Variants in BDKRB2 observed in about 807,000 individuals in gnomAD.
BDKRB2 encodes the protein bradykinin receptor B2.
BDKRB2 carries 6 observed loss-of-function variants against 4.0 expected under a neutral mutation model. The ratio of observed to expected loss-of-function variants is 1.49; its 90% confidence interval spans 0.81 to 2.93. The LOEUF (loss-of-function observed/expected upper bound fraction) is 2.93, where lower values mean the gene tolerates loss of function less well. BDKRB2 is among the 30% of genes most tolerant of loss of function. BDKRB2 has a pLI of 0.00. For synonymous variants in BDKRB2, 225 were observed against 215.3 expected (o/e 1.05, Z -0.40); for missense variants, 478 against 520.1 (o/e 0.92, Z 0.79).
At chr14:96,230,461 C>A (rs1383572379) in intron 1 of BDKRB2, among the ~76,000 whole-genome samples, 2 of 152,210 alleles carry the variant, frequency 1.3e-5, no homozygotes, top group African/African-American at 4.8e-5. Flanking sequence ...ACGGTGCGAT[C>A]TCGGCTCACT....
At chr14:96,235,967 G>A (rs1405138772) in intron 1 of BDKRB2, among the ~76,000 whole-genome samples, 2 of 152,108 alleles carry the variant, frequency 1.3e-5, no homozygotes, top group East Asian at 3.9e-4. Context: ...TCTAGCCATG[G>A]GACTGAGACA....
chr14:96,232,940 G>A lies in BDKRB2; in HGVS notation c.-39-4129G>A, dbSNP rs1015099324. Among the ~76,000 whole-genome samples, 34 of 152,166 alleles carry A rather than the reference G, an allele frequency of 2.2e-4. 1 individual carries two copies. The highest frequency in any genetic ancestry group is 2.1e-3 in the Admixed American group (32 of 15,274). ...GGGGGCCCTGAAACAAAAAACAGAT[G>A]AACAAGAGAAAAGTGAACAAATTAA... On this transcript the variant is annotated intron_variant, in intron 1 of 2. Coordinates refer to ENST00000554311, the MANE Select transcript of BDKRB2 (RefSeq NM_001379692.1).
chr14:96,243,872 C>T lies in BDKRB2; in HGVS notation c.*2368C>T, dbSNP rs1885372377. The T allele has an allele frequency of 1.0e-5, 3 of 294,188 alleles. No individual in the cohort carries two copies. Among genetic ancestry groups the T allele is most frequent in the Admixed American group, 5.1e-5 (1 of 19,504 alleles). The allele number at this position is 294,188 out of a possible 1,614,324, so 18.2% of individuals were successfully genotyped here. The stretch of plus-strand genomic sequence containing the variant: ...AAAAAAAAAAGAGGCTGTGTTTTGT[C>T]ACACAGGGCAGTCATTCAGCACCAG... On this transcript the variant is annotated 3_prime_UTR_variant, in exon 3 of 3. Coordinates refer to ENST00000554311, the MANE Select transcript of BDKRB2 (RefSeq NM_001379692.1).
At chr14:96,218,875 C>T (rs567272285) in intron 1 of BDKRB2, among the ~76,000 whole-genome samples, 8 of 151,870 alleles carry the variant, frequency 5.3e-5, no homozygotes, top group South Asian at 4.2e-4. Flanking sequence ...GCCAAGATCA[C>T]GCCACTGCAC....
intron 1 of BDKRB2, among the ~76,000 whole-genome samples, chr14:96,226,161 C>T (rs1431712662): frequency 1.3e-5 from 2 of 152,176 alleles, no homozygotes; most frequent in Non-Finnish European, 2.9e-5. Context: ...GAATGGCATG[C>T]AGGAAAGTGG....
chr14:96,241,126 G>C lies in BDKRB2; in HGVS notation c.798G>C (p.Arg266Ser). The change falls in exon 3 of 3, where the codon AGG becomes AGC. Residue 266 changes from arginine to serine, a missense_variant. Arg to Ser is a moderately radical substitution (Grantham distance 110). Transcript: ENST00000554311. ...MQKFKEIQTERRATVLVLVVL... is the reference protein window; with the variant it reads ...MQKFKEIQTESRATVLVLVVL... ...AGTTCAAGGAGATCCAGACAGAGAG[G>C]AGGGCCACGGTGCTAGTCCTGGTTG... The C allele has an allele frequency of 6.2e-7, 1 of 1,613,082 alleles. No individual in the cohort carries two copies.
chr14:96,221,142 G>T (rs185953100), intron 1 of BDKRB2, among the ~76,000 whole-genome samples: 1 of 152,210 alleles, frequency 6.6e-6, no homozygotes, highest in African/African-American at 2.4e-5. Context: ...ATAAAATTGG[G>T]ATAGTACCAG....
chr14:96,212,792 G>T (rs547388578), intron 1 of BDKRB2, among the ~76,000 whole-genome samples: 1 of 152,256 alleles, frequency 6.6e-6, no homozygotes, highest in East Asian at 1.9e-4. Context: ...GTTCTTTGAT[G>T]GGTTTTGCTG....
intron 1 of BDKRB2, among the ~76,000 whole-genome samples, chr14:96,207,845 G>A (rs1890225360): frequency 2.6e-5 from 4 of 151,740 alleles, no homozygotes; most frequent in South Asian, 2.1e-4. Flanking sequence ...GGACAATTAC[G>A]GTACCTCAGG....
At chr14:96,214,984 C>G (rs752487316) in intron 1 of BDKRB2, among the ~76,000 whole-genome samples, 7 of 152,194 alleles carry the variant, frequency 4.6e-5, no homozygotes, top group Non-Finnish European at 8.8e-5. Flanking sequence ...CCTTTAAGCA[C>G]AAATTGGCTG....
Position 96,244,025 on chromosome 14 carries a change from C to A in BDKRB2, c.*2521C>A. 1 of 393,642 alleles carries A rather than the reference C, an allele frequency of 2.5e-6. No individual in the cohort carries two copies. The highest frequency in any genetic ancestry group is 4.5e-6 in the Non-Finnish European group (1 of 223,834). 24.4% of individuals were successfully genotyped at this position (393,642 alleles called of 1,614,324 possible). On this transcript the variant is annotated 3_prime_UTR_variant, in exon 3 of 3. Transcript: ENST00000554311. ...AGCGGCCCTATGCATGGTGTAGATG[C>A]CCTGATAAAGAACATCTGTCCTGTG...
intron 1 of BDKRB2, among the ~76,000 whole-genome samples, chr14:96,234,302 C>G (rs932999751): frequency 2.0e-5 from 3 of 152,274 alleles, no homozygotes; most frequent in Admixed American, 6.5e-5. Flanking sequence ...TCCTTCCCCC[C>G]TCGCGATCAG....
intron 1 of BDKRB2, among the ~76,000 whole-genome samples, chr14:96,229,286 A>C (rs1325245167): frequency 6.6e-6 from 1 of 152,174 alleles, no homozygotes; most frequent in African/African-American, 2.4e-5. Context: ...GATATCAGTC[A>C]GAGAAACAGA....
intron 1 of BDKRB2, among the ~76,000 whole-genome samples, chr14:96,211,778 C>T (rs966172644): frequency 2.6e-5 from 4 of 152,264 alleles, no homozygotes; most frequent in South Asian, 4.2e-4. Context: ...TGGGATCCTT[C>T]GGTTCCTTCA....
Position 96,241,112 on chromosome 14 carries a change from A to T in BDKRB2, c.784A>T (p.Ile262Phe), listed in dbSNP as rs774556385. 1.2e-6 allele frequency: 2 copies of T among 1,613,676 alleles called. No individual in the cohort carries two copies. Among genetic ancestry groups the T allele is most frequent in the Non-Finnish European group, 1.7e-6 (2 of 1,179,916 alleles). ...RNNEMQKFKE[I>F]QTERRATVLV... is the part of the protein sequence containing the mutation. ...CAACGAGATGCAGAAGTTCAAGGAG[A>T]TCCAGACAGAGAGGAGGGCCACGGT... Residue 262 changes from isoleucine (I) to phenylalanine (F), a missense_variant, in exon 3 of 3, where the codon ATC becomes TTC. Transcript: ENST00000554311.
chr14:96,211,170 A>G (rs531901592), intron 1 of BDKRB2: 3 of 152,284 alleles, frequency 2.0e-5, no homozygotes, highest in Admixed American at 6.5e-5. Flanking sequence ...CCAAACAGGA[A>G]TCCTCTCGAG....
intron 1 of BDKRB2, among the ~76,000 whole-genome samples, chr14:96,208,419 C>G (rs1319920018): frequency 6.6e-6 from 1 of 152,294 alleles, no homozygotes; most frequent in Non-Finnish European, 1.5e-5. Context: ...AAACAGCTCT[C>G]GGTTCGAATT....
intron 1 of BDKRB2, among the ~76,000 whole-genome samples, chr14:96,208,624 C>G (rs1405394971): frequency 6.6e-6 from 1 of 152,160 alleles, no homozygotes; most frequent in African/African-American, 2.4e-5. Flanking sequence ...GAGTGAGGGC[C>G]TGGGGCGGTC....
intron 2 of BDKRB2, chr14:96,237,842 G>A (rs1595264382): frequency 7.8e-7 from 1 of 1,289,616 alleles, no homozygotes; most frequent in Non-Finnish European, 1.0e-6. Context: ...TCAGAGCCAG[G>A]GATGGGCCAG....
Sources: gnomAD v4.1 joint callset for allele counts (sites outside exome capture counted in the v4.1 genomes callset) on GRCh38, gnomAD v4.1.1 for gene constraint, MANE v1.5 for transcripts, NCBI Gene and HGNC (gene_info 2026-07-23, HGNC 2026-07-21) for gene names.